CIZ1: variants seen among roughly 807,000 people sequenced by gnomAD.
The protein encoded by CIZ1 is CDKN1A interacting zinc finger protein 1, also known as cip1-interacting zinc finger protein.
A neutral mutation model predicts 118.6 loss-of-function variants in CIZ1; 58 were observed. The ratio of observed to expected loss-of-function variants is 0.49; its 90% CI spans 0.40 to 0.61. The LOEUF (loss-of-function observed/expected upper bound fraction) is 0.61. Ranked by LOEUF, CIZ1 falls within the 20% of genes least tolerant of loss-of-function variation. The pLI is 0.00. For missense variants in CIZ1, 921 were observed against 1,115.9 expected (o/e 0.83, Z 2.49); for synonymous variants, 448 against 443.4 (o/e 1.01, Z -0.13).
upstream of CIZ1, among the ~76,000 whole-genome samples, chr9:128,196,696 C>T (rs1355767264): frequency 9.2e-5 from 14 of 151,962 alleles, no homozygotes; most frequent in African/African-American, 3.1e-4. Flanking sequence ...CTCCACCTCC[C>T]GGGTTCAAGC....
rs1831142944 is a variant in CIZ1 at position 128,178,420 on chromosome 9, G to A, written c.1569C>T (p.Ala523=). The change falls in exon 9 of 17, where the codon GCC becomes GCT. Residue 523 remains alanine, a synonymous_variant. Transcript: ENST00000372938. ...VSMEEIQNES[A]CGLDVGECEN... The stretch of plus-strand genomic sequence containing the variant: ...CACATTCTCCCACATCTAGGCCACA[G>A]GCCGACTCATTCTGAATCTCTTCCA... 1.9e-6 allele frequency: 3 copies of A among 1,614,004 alleles called. No homozygotes were observed. Among genetic ancestry groups the A allele is most frequent in the Non-Finnish European group, 2.5e-6 (3 of 1,180,004 alleles).
intron 5 of CIZ1, among the ~76,000 whole-genome samples, chr9:128,184,714 C>G (rs1832129514): frequency 1.3e-5 from 2 of 152,024 alleles, no homozygotes; most frequent in South Asian, 2.1e-4. Context: ...GTTCCCCAGG[C>G]TGGAGTGCAA....
intron 11 of CIZ1, among the ~76,000 whole-genome samples, chr9:128,173,833 T>C (rs45535732): frequency 0.015 from 2,307 of 151,780 alleles, 41 homozygotes; most frequent in African/African-American, 0.038. Flanking sequence ...AGAGAAACCC[T>C]GTCTCTACTA....
At chr9:128,186,237 C>T (rs1214403751) in intron 4 of CIZ1, among the ~76,000 whole-genome samples, 2 of 152,066 alleles carry the variant, frequency 1.3e-5, no homozygotes, top group African/African-American at 2.4e-5. Flanking sequence ...GTCCCTCGGC[C>T]CAGCAGGTTT....
chr9:128,189,062 A>G (rs987237058), intron 3 of CIZ1, among the ~76,000 whole-genome samples: 1 of 151,986 alleles, frequency 6.6e-6, no homozygotes, highest in African/African-American at 2.4e-5. Context: ...CGGCCTCCCA[A>G]TGTGCTGAGA....
intron 5 of CIZ1, among the ~76,000 whole-genome samples, chr9:128,183,728 C>T (rs748122492): frequency 6.6e-6 from 1 of 151,474 alleles, no homozygotes; most frequent in Admixed American, 6.6e-5. Context: ...ATTGTTCTAC[C>T]CTAGTTATGT....
upstream of CIZ1, chr9:128,191,732 C>T (rs1588272472): frequency 7.2e-6 from 10 of 1,382,374 alleles, no homozygotes; most frequent in East Asian, 2.7e-4. This position sits in a 1 kb window ranked among gnomAD's most constrained non-coding sequence, Gnocchi z 5.5. Flanking sequence ...CGGCTCATAC[C>T]CTCTGTCCCG....
intron 9 of CIZ1, among the ~76,000 whole-genome samples, chr9:128,178,009 G>A (rs747247727): frequency 9.2e-5 from 14 of 152,136 alleles, no homozygotes; most frequent in Non-Finnish European, 5.9e-5. Flanking sequence ...AACAGACTCA[G>A]GAGGGAAAGG....
Position 128,187,924 on chromosome 9 carries a change from C to T in CIZ1, c.297G>A (p.Gln99=), listed in dbSNP as rs147314452. ...CATACGTGGCTGGTGGCATTGCAAA[C>T]TGGTCCAGTCCTTTAGGAAAGCAAT... ...LLLQQLQGLD[Q]FAMPPATYDT... Residue 99 remains glutamine (Q), a synonymous_variant, in exon 4 of 17, where the codon CAG becomes CAA. Coordinates refer to ENST00000372938, the MANE Select transcript of CIZ1 (RefSeq NM_001131016.2). The T allele has an allele frequency of 1.9e-5, 14 of 755,066 alleles. No homozygotes were observed. Among genetic ancestry groups the T allele is most frequent in the Non-Finnish European group, 3.2e-5 (13 of 404,642 alleles). The allele number at this position is 755,066 out of a possible 1,614,324, so 46.8% of individuals were successfully genotyped here.
intron 12 of CIZ1, 89 bp downstream of exon 12, chr9:128,169,931 C>A (rs45456791): frequency 1.3e-5 from 17 of 1,264,522 alleles, no homozygotes; most frequent in Non-Finnish European, 1.7e-5. Flanking sequence ...CAAAGAGGAA[C>A]GTTTACTTTC....
upstream of CIZ1, among the ~76,000 whole-genome samples, chr9:128,194,836 GAGAC>G (rs138664422): frequency 0.025 from 3,774 of 152,044 alleles, 153 homozygotes; most frequent in African/African-American, 0.086. Context: ...CAAAAAAAAA[GAGAC>G]AGGGTCTTGC....
chr9:128,198,952 T>C (rs1220070942), intron 1 of CIZ1, among the ~76,000 whole-genome samples: 3 of 152,150 alleles, frequency 2.0e-5, no homozygotes, highest in African/African-American at 7.2e-5. Context: ...ATGGAAGCTC[T>C]GAGTCACACT....
intron 5 of CIZ1, among the ~76,000 whole-genome samples, chr9:128,183,358 G>A (rs62587082): frequency 0.015 from 2,280 of 152,256 alleles, 29 homozygotes; most frequent in Non-Finnish European, 0.023. Context: ...TTTTCCATAC[G>A]TAAAAAAATG....
In CIZ1 at chr9:128,166,882, T is replaced by G. The variant is rs1239587487; in HGVS notation, c.2366-2A>C. The G allele has an allele frequency of 6.2e-7, 1 of 1,614,064 alleles. No individual in the cohort carries two copies. The highest frequency in any genetic ancestry group is 8.5e-7 in the Non-Finnish European group (1 of 1,180,024). ...TCACGGGCACCAGGAAGTCCACACCTGTAGGATGGGATGGCAGGGTCTGCA... is the reference window on the plus strand; with the variant it reads ...TCACGGGCACCAGGAAGTCCACACCGGTAGGATGGGATGGCAGGGTCTGCA... On this transcript the variant is annotated splice_acceptor_variant, in intron 15 of 16. Coordinates refer to ENST00000372938, the MANE Select transcript of CIZ1 (RefSeq NM_001131016.2). LOFTEE classifies it high-confidence loss of function. This position sits in a 1 kb window ranked among gnomAD's most constrained non-coding sequence, Gnocchi z 4.4.
chr9:128,171,559 C>T (rs996456566), intron 11 of CIZ1, among the ~76,000 whole-genome samples: 22 of 147,622 alleles, frequency 1.5e-4, no homozygotes, highest in Admixed American at 3.4e-4. Context: ...AACCCCATCT[C>T]TACTAAGAAT....
At chr9:128,185,900 C>G (rs188852474) in intron 4 of CIZ1, 124 bp from the exon 5 acceptor site, 2 of 716,346 alleles carry the variant, frequency 2.8e-6, no homozygotes, top group Admixed American at 4.2e-5. Context: ...ACCTTCCCAC[C>G]CAAGGGCAGC....
chr9:128,186,120 T>C (rs1832337259), intron 4 of CIZ1, among the ~76,000 whole-genome samples: 1 of 152,094 alleles, frequency 6.6e-6, no homozygotes, highest in African/African-American at 2.4e-5. Context: ...GCAGGAGGGC[T>C]GGTCCCTGGG....
intron 6 of CIZ1, 27 bp from the exon 7 acceptor site, chr9:128,180,550 C>T: frequency 6.3e-7 from 1 of 1,589,998 alleles, no homozygotes; most frequent in Non-Finnish European, 8.6e-7. Context: ...AGCGAGGGAA[C>T]TCATGTTGGG....
chr9:128,175,956 A>G (rs1438900850), intron 11 of CIZ1, among the ~76,000 whole-genome samples: 1 of 152,166 alleles, frequency 6.6e-6, no homozygotes. Context: ...ACAGGCTCCC[A>G]TGACAATGAA....
Sources: gnomAD v4.1 joint callset for allele counts (sites outside exome capture counted in the v4.1 genomes callset) on GRCh38, gnomAD v4.1.1 for gene constraint, Gnocchi (gnomAD v3.1) non-coding constraint, MANE v1.5 for transcripts, NCBI Gene and HGNC (gene_info 2026-07-23, HGNC 2026-07-21) for gene names.